Variants in FOXN3 observed in about 807,000 individuals in gnomAD.
The protein encoded by FOXN3 is forkhead box N3, also known as forkhead box protein N3.
A neutral mutation model predicts 38.4 loss-of-function variants in FOXN3; 7 were observed. The ratio of observed to expected loss-of-function variants is 0.18; its 90% CI spans 0.10 to 0.34. The LOEUF is 0.34. FOXN3 is among the 10% of genes least tolerant of loss of function. FOXN3 has a pLI of 1.00. For synonymous variants in FOXN3, 230 were observed against 242.2 expected, an observed-to-expected ratio of 0.95 and a Z score of 0.47; for missense variants, 456 against 613.4, an observed-to-expected ratio of 0.74 and a Z score of 2.71.
chr14:89,459,555 A>G lies in FOXN3; in HGVS notation c.-14-47065T>C, dbSNP rs1008322667. On this transcript the variant is annotated intron_variant, in intron 1 of 6. Transcript: ENST00000345097. ...GAGCCGAGATTAGAATACACCACTCAGCCCCGTCTAGGCAGCTATGGAAAG... is the reference window on the plus strand; with the variant it reads ...GAGCCGAGATTAGAATACACCACTCGGCCCCGTCTAGGCAGCTATGGAAAG... 8.5e-4 allele frequency among the ~76,000 whole-genome samples: 129 copies of G among 152,186 alleles called. 2 individuals carry two copies. Among genetic ancestry groups the G allele is most frequent in the Non-Finnish European group, 2.9e-4 (20 of 68,024 alleles).
intron 1 of FOXN3, among the ~76,000 whole-genome samples, chr14:89,415,777 G>A (rs1447113354): frequency 6.7e-6 from 1 of 149,320 alleles, no homozygotes; most frequent in African/African-American, 2.5e-5. Flanking sequence ...TTTTTAATCT[G>A]CTGCCAACAA....
intron 1 of FOXN3, among the ~76,000 whole-genome samples, chr14:89,415,180 G>A (rs1391746592): frequency 1.3e-5 from 2 of 152,164 alleles, no homozygotes; most frequent in African/African-American, 4.8e-5. Context: ...CCCAGCCACT[G>A]AAGTCAACTT....
At chr14:89,478,031 A>G (rs1050096322) in intron 1 of FOXN3, among the ~76,000 whole-genome samples, 8 of 152,146 alleles carry the variant, frequency 5.3e-5, no homozygotes, top group African/African-American at 1.7e-4. Flanking sequence ...GTAATCGCCA[A>G]TGTTGGAGGT....
At chr14:89,413,864 G>T (rs1038951830) in intron 1 of FOXN3, among the ~76,000 whole-genome samples, 1 of 134,418 alleles carries the variant, frequency 7.4e-6, no homozygotes, top group Non-Finnish European at 1.6e-5. Flanking sequence ...GGAAGGGAGG[G>T]CAAGAGAAGG....
intron 3 of FOXN3, among the ~76,000 whole-genome samples, chr14:89,287,476 C>T (rs915577635): frequency 6.6e-6 from 1 of 151,988 alleles, no homozygotes; most frequent in Admixed American, 6.6e-5. Flanking sequence ...TGCAAGCAAA[C>T]CCCAGTTCAG....
intron 4 of FOXN3, among the ~76,000 whole-genome samples, chr14:89,251,385 C>G (rs971630656): frequency 2.0e-5 from 3 of 152,246 alleles, no homozygotes; most frequent in Non-Finnish European, 2.9e-5. Context: ...GCTTGGGCCT[C>G]CAAGCTTTCT....
rs117223830 is a variant in FOXN3 at position 89,415,287 on chromosome 14, C to G, written c.-15+1584G>C. On this transcript the variant is annotated intron_variant, in intron 1 of 5. Transcript: ENST00000557258. ...TAATTTAATTGCACTGTTGCTATGA[C>G]AACATGCTGCTCTCTTTCTTTTTAA... 8.5e-4 allele frequency among the ~76,000 whole-genome samples: 130 copies of G among 152,326 alleles called. 6 individuals carry two copies. In the East Asian group the frequency reaches 0.023, roughly 27 times the overall value.
At chr14:89,447,328 C>G (rs962266794) in intron 1 of FOXN3, among the ~76,000 whole-genome samples, 1 of 152,126 alleles carries the variant, frequency 6.6e-6, no homozygotes, top group African/African-American at 2.4e-5. Flanking sequence ...ACTTCCTCCA[C>G]CAGTCATACA....
chr14:89,353,189 T>G (rs987776613), intron 2 of FOXN3, among the ~76,000 whole-genome samples: 1 of 152,148 alleles, frequency 6.6e-6, no homozygotes, highest in Admixed American at 6.6e-5. Flanking sequence ...TCTTGCTTCC[T>G]CACTGGTAAA....
At chr14:89,517,726 T>C (rs1251284979) in intron 1 of FOXN3, among the ~76,000 whole-genome samples, 1 of 152,212 alleles carries the variant, frequency 6.6e-6, no homozygotes. Flanking sequence ...TAGTCTTAGA[T>C]GATTTTGAGG....
Position 89,411,919 on chromosome 14 carries a change from G to T in FOXN3, c.543+15C>A, listed in dbSNP as rs192538910. The T allele has an allele frequency of 7.1e-5, 96 of 1,346,512 alleles. No individual in the cohort carries two copies. In the African/African-American group the frequency reaches 1.2e-3, roughly 17 times the overall value. 83.4% of individuals were successfully genotyped at this position (1,346,512 alleles called of 1,614,324 possible). A position where few individuals can be genotyped will look rare whatever the true frequency, so the allele number is the denominator to read the frequency against. ...AAAAAAAAGAAAACCTTGGGTTCCA[G>T]ACACAGAGGCTTACCTGACTCCTCT... On this transcript the variant is annotated intron_variant, in intron 2 of 5. Transcript: ENST00000557258.
At chr14:89,332,279 C>A (rs1489223869) in intron 3 of FOXN3, among the ~76,000 whole-genome samples, 1 of 152,142 alleles carries the variant, frequency 6.6e-6, no homozygotes, top group Non-Finnish European at 1.5e-5. Flanking sequence ...ATACCATATC[C>A]AGCTCTCCAG....
At chr14:89,606,793 A>T (rs1896284713) in intron 1 of FOXN3, among the ~76,000 whole-genome samples, 1 of 152,170 alleles carries the variant, frequency 6.6e-6, no homozygotes, top group African/African-American at 2.4e-5. Flanking sequence ...GGTTGCAGTG[A>T]GCGGAGATTG....
At chr14:89,318,305 C>G (rs1887793821) in intron 3 of FOXN3, among the ~76,000 whole-genome samples, 1 of 151,824 alleles carries the variant, frequency 6.6e-6, no homozygotes, top group Non-Finnish European at 1.5e-5. Flanking sequence ...ATTACAGGTG[C>G]CCACCACCAT....
chr14:89,376,924 G>A (rs1424130743), intron 2 of FOXN3, among the ~76,000 whole-genome samples: 1 of 147,842 alleles, frequency 6.8e-6, no homozygotes, highest in Non-Finnish European at 1.5e-5. Context: ...TGAGGCAGGA[G>A]ACTTGCTTGA....
Position 89,484,265 on chromosome 14 carries a change from G to A in FOXN3, c.-14-71775C>T, listed in dbSNP as rs149676604. Among the ~76,000 whole-genome samples, 540 of 152,180 alleles carry A rather than the reference G, an allele frequency of 3.5e-3. 2 individuals carry two copies. Among genetic ancestry groups the A allele is most frequent in the African/African-American group, 0.011 (461 of 41,520 alleles). The stretch of plus-strand genomic sequence containing the variant: ...CACATCAAATTTCGCAAACACTTAC[G>A]TCACACAACTGCCTAGGCCAGGAGT... On this transcript the variant is annotated intron_variant, in intron 1 of 6. Transcript: ENST00000345097. The surrounding 1 kb of genome is among the most constrained non-coding windows in gnomAD (Gnocchi z 4.0).
intron 2 of FOXN3, among the ~76,000 whole-genome samples, chr14:89,358,195 A>G (rs1889312474): frequency 6.6e-6 from 1 of 152,230 alleles, no homozygotes; most frequent in South Asian, 2.1e-4. Context: ...GTAAACAGAT[A>G]AACGTGGCTG....
intron 1 of FOXN3, among the ~76,000 whole-genome samples, chr14:89,489,216 A>G (rs1176019497): frequency 6.6e-6 from 1 of 152,190 alleles, no homozygotes; most frequent in African/African-American, 2.4e-5. Flanking sequence ...CTATCAAGAA[A>G]AAGAGGCACT....
At chr14:89,178,430 A>G (rs1887582135) in intron 5 of FOXN3, among the ~76,000 whole-genome samples, 1 of 152,174 alleles carries the variant, frequency 6.6e-6, no homozygotes. Context: ...GATTATAGGC[A>G]TGAGCCACCA....
Sources: gnomAD v4.1 joint callset for allele counts (sites outside exome capture counted in the v4.1 genomes callset) on GRCh38, gnomAD v4.1.1 for gene constraint, Gnocchi (gnomAD v3.1) non-coding constraint, MANE v1.5 for transcripts, NCBI Gene and HGNC (gene_info 2026-07-23, HGNC 2026-07-21) for gene names.